Variants in CSGALNACT1 observed in about 807,000 individuals in gnomAD.
CSGALNACT1 encodes the protein beta4GalNAcT-1.
In CSGALNACT1, 52 loss-of-function variants were observed where a neutral mutation model predicts 51.0. That is an observed-to-expected ratio of 1.02 (90% CI 0.82 to 1.29). The LOEUF (loss-of-function observed/expected upper bound fraction) is 1.29, where lower values mean the gene tolerates loss of function less well. Among genes scored for constraint, CSGALNACT1 ranks in the 50% most tolerant of loss-of-function variants. CSGALNACT1 has a pLI of 0.00. For synonymous variants in CSGALNACT1, 341 were observed against 254.4 expected (o/e 1.34, Z -3.24); for missense variants, 935 against 679.2 (o/e 1.38, Z -4.19).
Position 19,412,606 on chromosome 8 carries a change from C to T in CSGALNACT1, c.1228-3912G>A, listed in dbSNP as rs569930472. On this transcript the variant is annotated intron_variant, in intron 8 of 9. Coordinates refer to ENST00000454498, the Ensembl canonical transcript of CSGALNACT1. ...TCTACCTTGCATTCACAGCAACGCC[C>T]GTTAGCAGGGCCGGCTTACAAAGTG... is the stretch of plus-strand genomic sequence containing the variant. Among the ~76,000 whole-genome samples the T allele has an allele frequency of 4.4e-4, 67 of 152,348 alleles. No individual in the cohort carries two copies. The Middle Eastern group carries it at 0.017, about 39-fold the overall frequency.
chr8:19,568,015 T>C (rs1301832137), intron 3 of CSGALNACT1, among the ~76,000 whole-genome samples: 1 of 151,134 alleles, frequency 6.6e-6, no homozygotes, highest in Non-Finnish European at 1.5e-5. Context: ...ATATATGTTT[T>C]AGTCTCAACA....
chr8:19,686,409 A>G (rs1190833866), upstream of CSGALNACT1, among the ~76,000 whole-genome samples: 1 of 152,178 alleles, frequency 6.6e-6, no homozygotes, highest in Non-Finnish European at 1.5e-5. Flanking sequence ...GAGCTACAGG[A>G]GTCTTGCTGC....
chr8:19,682,049 C>G (rs1010492714), intron 1 of CSGALNACT1, among the ~76,000 whole-genome samples: 1 of 152,180 alleles, frequency 6.6e-6, no homozygotes, highest in Non-Finnish European at 1.5e-5. Flanking sequence ...CCCTGTACCA[C>G]AGAAAGATTT....
At chr8:19,593,407 C>G (rs568134718) in intron 2 of CSGALNACT1, among the ~76,000 whole-genome samples, 20 of 152,340 alleles carry the variant, frequency 1.3e-4, no homozygotes, top group African/African-American at 4.3e-4. Flanking sequence ...CCTCCTGGGG[C>G]ACCACAACAG....
chr8:19,466,262 G>A (rs930796351), intron 4 of CSGALNACT1, among the ~76,000 whole-genome samples: 1 of 152,164 alleles, frequency 6.6e-6, no homozygotes, highest in African/African-American at 2.4e-5. Context: ...AAGGGAGAGG[G>A]CAAAACACTA....
chr8:19,716,349 G>C (rs1257480825), intron 1 of CSGALNACT1, among the ~76,000 whole-genome samples: 1 of 151,980 alleles, frequency 6.6e-6, no homozygotes, highest in Non-Finnish European at 1.5e-5. Flanking sequence ...TTGCCTAATA[G>C]AAGATATGAT....
intron 6 of CSGALNACT1, among the ~76,000 whole-genome samples, chr8:19,432,619 T>A (rs1447484318): frequency 6.6e-6 from 1 of 151,554 alleles, no homozygotes; most frequent in African/African-American, 2.4e-5. Context: ...CATTCTTTTT[T>A]CTGTTTTTTT....
intron 3 of CSGALNACT1, among the ~76,000 whole-genome samples, chr8:19,552,251 C>T (rs2088316385): frequency 6.6e-6 from 1 of 152,068 alleles, no homozygotes; most frequent in African/African-American, 2.4e-5. Flanking sequence ...TCTCTGTTTC[C>T]ATTTCAAACA....
chr8:19,497,919 C>T (rs1015192285), intron 4 of CSGALNACT1, among the ~76,000 whole-genome samples: 3 of 152,140 alleles, frequency 2.0e-5, no homozygotes, highest in Non-Finnish European at 2.9e-5. Flanking sequence ...GCCCCCTCCC[C>T]GCTTTGAGTC....
intron 6 of CSGALNACT1, among the ~76,000 whole-genome samples, chr8:19,423,660 G>A (rs188883977): frequency 1.1e-4 from 17 of 152,100 alleles, no homozygotes; most frequent in Middle Eastern, 3.4e-3. Flanking sequence ...TTTTTTTTAA[G>A]CCTTAAAATG....
At chr8:19,418,183 C>T (rs1382409550) in intron 8 of CSGALNACT1, among the ~76,000 whole-genome samples, 1 of 152,166 alleles carries the variant, frequency 6.6e-6, no homozygotes, top group Non-Finnish European at 1.5e-5. Flanking sequence ...GGGAAGGGCA[C>T]TGGGAGCACA....
intron 1 of CSGALNACT1, among the ~76,000 whole-genome samples, chr8:19,748,447 C>T (rs1022928583): frequency 2.4e-4 from 36 of 152,100 alleles, no homozygotes; most frequent in African/African-American, 8.2e-4. Flanking sequence ...AGATATAAGG[C>T]CTAAAGCAAA....
intron 1 of CSGALNACT1, among the ~76,000 whole-genome samples, chr8:19,651,502 G>C (rs4279609): frequency 6.6e-6 from 1 of 151,978 alleles, no homozygotes; most frequent in Admixed American, 6.5e-5. Flanking sequence ...ACTTGTAAGC[G>C]AGAACATGCA....
chr8:19,620,625 G>A (rs1026469478), intron 1 of CSGALNACT1, among the ~76,000 whole-genome samples: 1 of 151,970 alleles, frequency 6.6e-6, no homozygotes, highest in Non-Finnish European at 1.5e-5. Context: ...GTTGAGATGG[G>A]GGTCTCACTA....
chr8:19,656,612 ACG>A (rs1198416968), intron 1 of CSGALNACT1, among the ~76,000 whole-genome samples: 2 of 128,276 alleles, frequency 1.6e-5, no homozygotes, highest in Admixed American at 8.0e-5. Context: ...ACACACACAC[ACG>A]AGATCAGCAA....
At chr8:19,425,757 T>C (rs754411268) in intron 6 of CSGALNACT1, among the ~76,000 whole-genome samples, 3 of 152,180 alleles carry the variant, frequency 2.0e-5, no homozygotes, top group Non-Finnish European at 4.4e-5. Context: ...CAGTCTCTTT[T>C]TGGTTTACAT....
At chr8:19,574,925 C>T (rs1029112426) in intron 3 of CSGALNACT1, among the ~76,000 whole-genome samples, 2 of 151,994 alleles carry the variant, frequency 1.3e-5, no homozygotes, top group African/African-American at 2.4e-5. Flanking sequence ...GTCTCAGCTA[C>T]TCGGGAGGCT....
At chr8:19,686,822 G>C (rs1288874795), upstream of CSGALNACT1, among the ~76,000 whole-genome samples, 1 of 152,188 alleles carries the variant, frequency 6.6e-6, no homozygotes, top group Non-Finnish European at 1.5e-5. Context: ...CCCTGGGAAA[G>C]TAACAGGTGA....
intron 1 of CSGALNACT1, among the ~76,000 whole-genome samples, chr8:19,705,398 G>C (rs1471808523): frequency 6.6e-6 from 1 of 152,092 alleles, no homozygotes; most frequent in Non-Finnish European, 1.5e-5. Flanking sequence ...ACATGTTTTT[G>C]AATAATATTT....
Sources: gnomAD v4.1 joint callset for allele counts (sites outside exome capture counted in the v4.1 genomes callset) on GRCh38, gnomAD v4.1.1 for gene constraint, MANE v1.5 for transcripts, NCBI Gene and HGNC (gene_info 2026-07-23, HGNC 2026-07-21) for gene names.